KDM6B: variants seen among roughly 807,000 people sequenced by gnomAD.
KDM6B encodes the protein lysine-specific demethylase 6B.
In KDM6B, 22 loss-of-function variants were observed where a neutral mutation model predicts 150.4. That is an observed-to-expected ratio of 0.15 (90% CI 0.10 to 0.21). The LOEUF (loss-of-function observed/expected upper bound fraction) is 0.21. Ranked by LOEUF, KDM6B falls within the 10% of genes least tolerant of loss-of-function variation. The probability of loss-of-function intolerance (pLI) is 1.00; values close to 1 mark genes in which losing one functional copy is unlikely to be tolerated. For missense variants in KDM6B, 1,984 were observed against 2,234.3 expected (o/e 0.89, Z 2.26); for synonymous variants, 1,148 against 921.1 (o/e 1.25, Z -4.46).
Position 7,844,393 on chromosome 17 carries a change from C to G in KDM6B, c.-268-508C>G, listed in dbSNP as rs114783594. ...GCTTGACCAAGGTTTGGGTCGGGGT[C>G]AGGCGTTGGGGGTGGAGCGCCGATA... On this transcript the variant is annotated intron_variant, in intron 2 of 23. Coordinates refer to ENST00000448097, the MANE Select transcript of KDM6B (RefSeq NM_001348716.2). This position sits in a 1 kb window ranked among gnomAD's most constrained non-coding sequence, Gnocchi z 5.9. The G allele has an allele frequency of 8.0e-3, 1,211 of 152,254 alleles. 18 individuals carry two copies. Among genetic ancestry groups the G allele is most frequent in the African/African-American group, 0.028 (1,146 of 41,342 alleles). The allele number at this position is 152,254 out of a possible 1,614,324, so 9.4% of individuals were successfully genotyped here.
rs1422445425 is a variant in KDM6B, at chr17:7,847,351, G to A, written c.1156G>A (p.Ala386Thr). The A allele has an allele frequency of 6.2e-6, 10 of 1,611,582 alleles. No homozygotes were observed. The East Asian group carries it at 6.7e-5, about 11-fold the overall frequency. ...AGCAACCACCGCCTGCGTGCCTTAC[G>A]CCCCTTCCCGGCCCCCTGGCCTCCC... ...PAATTACVPYAPSRPPGLPGT... is the reference protein window; with the variant it reads ...PAATTACVPYTPSRPPGLPGT... The change falls in exon 11 of 24, where the codon GCC becomes ACC. Residue 386 changes from alanine to threonine, a missense_variant. By Grantham distance (58) the Ala-to-Thr change is moderately conservative. This residue lies in a region of KDM6B where 1,379 missense variants were observed against 1,275.6 expected (regional missense o/e 1.08). Transcript: ENST00000448097.
At chr17:7,842,996 C>T (rs950951668) in intron 2 of KDM6B, among the ~76,000 whole-genome samples, 2 of 149,714 alleles carry the variant, frequency 1.3e-5, no homozygotes, top group African/African-American at 2.4e-5. Flanking sequence ...GCTTTGTATT[C>T]TTGGGTGCTG....
chr17:7,853,252 A>G lies in KDM6B; in HGVS notation c.4780A>G (p.Ser1594Gly), dbSNP rs772439100. Residue 1594 changes from serine (S) to glycine (G), a missense_variant, in exon 23 of 24, where the codon AGC becomes GGC. Around this residue, in one of 13 missense-constraint regions of KDM6B, gnomAD observed 58 missense variants for 76.4 expected, o/e 0.76. Coordinates refer to ENST00000448097, the MANE Select transcript of KDM6B (RefSeq NM_001348716.2). ...NILFVTSENG[S>G]RNTYLVHCEG... ...CCTGTTCGTGACAAGTGAGAATGGC[A>G]GCCGCAACACGTACCTGGTACACTG... The G allele has an allele frequency of 1.2e-6, 2 of 1,611,336 alleles. No individual in the cohort carries two copies. Among genetic ancestry groups the G allele is most frequent in the Non-Finnish European group, 8.5e-7 (1 of 1,179,196 alleles).
chr17:7,840,389 C>T (rs1349450142), intron 2 of KDM6B: 1 of 152,150 alleles, frequency 6.6e-6, no homozygotes, highest in African/African-American at 2.4e-5. Flanking sequence ...ACAGCTTTGT[C>T]CCTATAGGAG....
rs1252612611 is a variant in KDM6B at position 7,847,770 on chromosome 17, C to T, written c.1482C>T (p.Ala494=). 5 of 1,552,512 alleles carry T rather than the reference C, an allele frequency of 3.2e-6. No individual in the cohort carries two copies. The highest frequency in any genetic ancestry group is 8.7e-7 in the Non-Finnish European group (1 of 1,148,996). The change falls in exon 12 of 24, where the codon GCC becomes GCT. Residue 494 remains alanine, a synonymous_variant. Transcript: ENST00000448097. ...AWLKGPACRA[A]REDGEILEEL... ...TGAAGGGTCCGGCCTGCCGGGCAGC[C>T]CGAGAGGATGGAGAGATCTTAGAAG...
chr17:7,847,116 C>T lies in KDM6B; in HGVS notation c.921C>T (p.His307=). The change falls in exon 11 of 24, where the codon CAC becomes CAT. Residue 307 remains histidine, a synonymous_variant. Transcript: ENST00000448097. ...SAPPERQEQR[H]SLPHPYPYPA... ...TTTATCTCCTATAGGAGCAGCGGCA[C>T]TCGCTGCCTCACCCATATCCATACC... 1.2e-6 allele frequency: 2 copies of T among 1,611,484 alleles called. No individual in the cohort carries two copies. The highest frequency in any genetic ancestry group is 1.1e-5 in the South Asian group (1 of 91,066).
At position 7,845,461 on chromosome 17, in the gene KDM6B, G is replaced by A. The variant is rs2078512057; in HGVS notation, c.-6+5G>A. On this transcript the variant is annotated splice_donor_5th_base_variant and intron_variant, in intron 4 of 23. Coordinates refer to ENST00000448097, the MANE Select transcript of KDM6B (RefSeq NM_001348716.2). ...CCTGGGGCCACTGCTGACCTGGTAA[G>A]GGAAACTCTGGGGCCGAGCTGGCTG... 6.5e-7 allele frequency: 1 copy of A among 1,528,908 alleles called. No homozygotes were observed. The highest frequency in any genetic ancestry group is 9.1e-7 in the Non-Finnish European group (1 of 1,104,088). 94.7% of individuals were successfully genotyped at this position (1,528,908 alleles called of 1,614,324 possible).
Position 7,848,618 on chromosome 17 carries a change from C to T in KDM6B, c.2330C>T (p.Pro777Leu). Residue 777 changes from proline to leucine, a missense_variant, in exon 12 of 24, where the codon CCA (proline) becomes CTA (leucine). Pro to Leu is a moderately conservative substitution (Grantham distance 98). This residue lies in a region of KDM6B where 1,379 missense variants were observed against 1,275.6 expected (regional missense o/e 1.08). Coordinates refer to ENST00000448097, the MANE Select transcript of KDM6B (RefSeq NM_001348716.2). ...EEKKPPPALP[P>L]PPPLAKFPPP... ...AAGAAGCCACCACCAGCCCTACCAC[C>T]ACCACCGCCTCTAGCCAAGTTCCCT... 2.5e-6 allele frequency: 4 copies of T among 1,596,368 alleles called. No homozygotes were observed. The highest frequency in any genetic ancestry group is 3.4e-6 in the Non-Finnish European group (4 of 1,172,246).
rs781196838 is a variant in KDM6B, at chr17:7,848,872, C to G, written c.2584C>G (p.Gln862Glu). 8 of 1,609,520 alleles carry G rather than the reference C, an allele frequency of 5.0e-6. No homozygotes were observed. In the South Asian group the frequency reaches 8.8e-5, roughly 18 times the overall value. Residue 862 changes from glutamine to glutamate, a missense_variant, in exon 12 of 24, where the codon CAG (glutamine) becomes GAG (glutamate). By Grantham distance (29) the Gln-to-Glu change is conservative. Coordinates refer to ENST00000448097, the MANE Select transcript of KDM6B (RefSeq NM_001348716.2). ...GGCCCCTAGCGCCCAGGGCTCCCCA[C>G]AGCCCTCTGCTTCCTCGTCATCTCA... ...SAAPSAQGSP[Q>E]PSASSSSQFS...
Position 7,848,586 on chromosome 17 carries a change from AGAG to A in KDM6B, c.2302_2304del (p.Glu768del), listed in dbSNP as rs766835187. On this transcript the variant is annotated inframe_deletion, in exon 12 of 24. Transcript: ENST00000448097. ...CCACCACCACCACGGCCACCCAGGA[AGAG>A]GAGAAGAAGCCACCACCAGCCCTAC... The A allele has an allele frequency of 3.7e-6, 6 of 1,603,050 alleles. No homozygotes were observed. The African/African-American group carries it at 4.1e-5, about 11-fold the overall frequency.
rs1206783768 is a variant in KDM6B at position 7,849,738 on chromosome 17, C to A, written c.3440+10C>A. On this transcript the variant is annotated intron_variant, in intron 12 of 23. Coordinates refer to ENST00000448097, the MANE Select transcript of KDM6B (RefSeq NM_001348716.2). ...TCGTGCGCGCCAGCAGGTGAGTCGG[C>A]TGCCTGCTTGCTTGTCCCGGAGACA... The A allele has an allele frequency of 2.5e-6, 4 of 1,612,326 alleles. No individual in the cohort carries two copies. Among genetic ancestry groups the A allele is most frequent in the Non-Finnish European group, 3.4e-6 (4 of 1,180,022 alleles).
chr17:7,845,653 T>C lies in KDM6B; in HGVS notation c.99T>C (p.Pro33=), dbSNP rs746303332. Reference sequence around the variant, plus strand: ...CTGGGGCCTGGAGCTCCTGCCCGCCTCATCCCCCTCCTCGTAGCGCATGGC... The same window carrying C: ...CTGGGGCCTGGAGCTCCTGCCCGCCCCATCCCCCTCCTCGTAGCGCATGGC... ...SCAGAWSSCP[P]HPPPRSAWLP... Residue 33 remains proline, a synonymous_variant, in exon 5 of 24, where the codon CCT becomes CCC. Coordinates refer to ENST00000448097, the MANE Select transcript of KDM6B (RefSeq NM_001348716.2). The C allele has an allele frequency of 1.2e-6, 2 of 1,614,032 alleles. No homozygotes were observed. Among genetic ancestry groups the C allele is most frequent in the South Asian group, 1.1e-5 (1 of 91,078 alleles).
chr17:7,846,224 G>T lies in KDM6B; in HGVS notation c.383G>T (p.Arg128Leu). The T allele has an allele frequency of 6.2e-7, 1 of 1,614,094 alleles. No homozygotes were observed. Among genetic ancestry groups the T allele is most frequent in the Admixed American group, 1.7e-5 (1 of 60,020 alleles). The change falls in exon 7 of 24, where the codon CGC (arginine) becomes CTC (leucine). Residue 128 changes from arginine (R) to leucine (L), a missense_variant. By Grantham distance (102) the Arg-to-Leu change is moderately radical. Around this residue, in one of 13 missense-constraint regions of KDM6B, gnomAD observed 337 missense variants for 323.9 expected, o/e 1.04. Coordinates refer to ENST00000448097, the MANE Select transcript of KDM6B (RefSeq NM_001348716.2). ...GAGCACGATAGTGAGGAGGCCACAC[G>T]CTGCTACCACAGCGCCCTTCGATAC... ...ESEHDSEEAT[R>L]CYHSALRYGG...
rs772223482 is a variant in KDM6B at position 7,847,766 on chromosome 17, C to T, written c.1478C>T (p.Ala493Val). The T allele has an allele frequency of 7.3e-7, 1 of 1,368,380 alleles. No homozygotes were observed. The highest frequency in any genetic ancestry group is 2.2e-5 in the Admixed American group (1 of 45,322). 84.8% of individuals were successfully genotyped at this position (1,368,380 alleles called of 1,614,324 possible). A position where few individuals can be genotyped will look rare whatever the true frequency, so the allele number is the denominator to read the frequency against. The change falls in exon 12 of 24, where the codon GCA becomes GTA. Residue 493 changes from alanine to valine, a missense_variant. Transcript: ENST00000448097. ...TGGTTGAAGGGTCCGGCCTGCCGGG[C>T]AGCCCGAGAGGATGGAGAGATCTTA... is the stretch of plus-strand genomic sequence containing the variant. ...PAWLKGPACR[A>V]AREDGEILEE...
intron 1 of KDM6B, among the ~76,000 whole-genome samples, chr17:7,835,116 C>T (rs887730672): frequency 1.3e-5 from 2 of 152,104 alleles, no homozygotes; most frequent in Non-Finnish European, 2.9e-5. Flanking sequence ...CTGAGGCCCC[C>T]ACTTGACTTC....
intron 10 of KDM6B, 33 bp downstream of exon 10, chr17:7,847,049 CCTACAAGT>C (rs2078563550): frequency 1.1e-5 from 18 of 1,611,136 alleles, no homozygotes; most frequent in Non-Finnish European, 1.5e-5. Flanking sequence ...TCACCTCTCA[CCTACAAGT>C]CCCACGCTCT....
intron 1 of KDM6B, among the ~76,000 whole-genome samples, chr17:7,836,515 G>T (rs1253177537): frequency 6.6e-6 from 1 of 152,154 alleles, no homozygotes; most frequent in Non-Finnish European, 1.5e-5. Flanking sequence ...ACGGAGCCCC[G>T]CGGGACCCGG....
rs777732861 is a variant in KDM6B, at chr17:7,846,192, C to T, written c.351C>T (p.Tyr117=). The stretch of plus-strand genomic sequence containing the variant: ...TTTGGGAACAGCTTGGGCAACTGTA[C>T]GAGTCAGAGCACGATAGTGAGGAGG... ...PGLWEQLGQL[Y]ESEHDSEEAT... is the part of the protein sequence containing the mutation. The change falls in exon 7 of 24, where the codon TAC becomes TAT. Residue 117 remains tyrosine, a synonymous_variant. Transcript: ENST00000448097. 12 of 1,614,008 alleles carry T rather than the reference C, an allele frequency of 7.4e-6. No homozygotes were observed. Among genetic ancestry groups the T allele is most frequent in the East Asian group, 4.5e-5 (2 of 44,890 alleles).
At position 7,849,597 on chromosome 17, in the gene KDM6B, G is replaced by A. The variant is rs1250225468; in HGVS notation, c.3309G>A (p.Leu1103=). ...TTAGTGAGGGGCCCCCCAAGGAGCT[G>A]AAGATCCGGCTCATCAAGGTAGAGA... ...RSLSEGPPKE[L]KIRLIKVESG... Residue 1103 remains leucine (L), a synonymous_variant, in exon 12 of 24, where the codon CTG becomes CTA. Transcript: ENST00000448097. The A allele has an allele frequency of 1.2e-6, 2 of 1,612,352 alleles. No individual in the cohort carries two copies. The highest frequency in any genetic ancestry group is 1.7e-5 in the Admixed American group (1 of 60,004).
Sources: allele counts gnomAD v4.1 joint callset (sites outside exome capture counted in the v4.1 genomes callset), GRCh38; gene constraint gnomAD v4.1.1; regional missense constraint gnomAD v4.1.1; non-coding constraint Gnocchi (gnomAD v3.1); transcripts MANE v1.5; gene names NCBI Gene and HGNC (gene_info 2026-07-23, HGNC 2026-07-21).